The following BBC3 variants were observed in gnomAD, a reference collection of about 807,000 sequenced individuals.
BBC3 encodes the protein BCL2 binding component 3, also known as bcl-2-binding component 3.
In BBC3, 5 loss-of-function variants were observed where a neutral mutation model predicts 18.2. That is an observed-to-expected ratio of 0.27 (90% CI 0.14 to 0.58). The LOEUF is 0.58. Ranked by LOEUF, BBC3 falls within the 20% of genes least tolerant of loss-of-function variation. The pLI, the probability that BBC3 is intolerant of heterozygous loss-of-function variation, is 0.91. For synonymous variants in BBC3, 119 were observed against 128.0 expected (o/e 0.93, Z 0.47); for missense variants, 224 against 268.9 (o/e 0.83, Z 1.17).
chr19:47,221,791 G>C lies in BBC3; in HGVS notation c.*11C>G, dbSNP rs1237610094. 8 of 1,610,580 alleles carry C rather than the reference G, an allele frequency of 5.0e-6. No individual in the cohort carries two copies. In the East Asian group the frequency reaches 1.8e-4, roughly 36 times the overall value. On this transcript the variant is annotated 3_prime_UTR_variant, in exon 4 of 4. Coordinates refer to ENST00000439096, the MANE Select transcript of BBC3 (RefSeq NM_014417.5). ...CCGAGTCCCTGACGTCCACCGGGCG[G>C]GTGCAGGCACCTAATTGGGCTCCAT...
rs1204943029 is a variant in BBC3, at chr19:47,221,663, C to A, written c.*139G>T. 1.3e-6 allele frequency: 2 copies of A among 1,516,960 alleles called. No homozygotes were observed. Among genetic ancestry groups the A allele is most frequent in the African/African-American group, 1.4e-5 (1 of 70,946 alleles). 94.0% of individuals were successfully genotyped at this position (1,516,960 alleles called of 1,614,324 possible). On this transcript the variant is annotated 3_prime_UTR_variant, in exon 4 of 4. Transcript: ENST00000439096. ...GCTGGGGCTGGAGTGGCTGCCCCGG[C>A]CCGCCCCCGGGACAGGCAGGGCTGG...
upstream of BBC3, chr19:47,231,268 C>T (rs1245428404): frequency 1.1e-6 from 1 of 897,628 alleles, no homozygotes; most frequent in Non-Finnish European, 1.3e-6. This position sits in a 1 kb window ranked among gnomAD's most constrained non-coding sequence, Gnocchi z 4.0. Context: ...CCCCGCCCGG[C>T]GGGTCCCACG....
In BBC3 at chr19:47,230,418, A is replaced by C. The variant is rs2058896516; in HGVS notation, c.-16+511T>G. Among the ~76,000 whole-genome samples the C allele has an allele frequency of 7.5e-6, 1 of 133,004 alleles. No individual in the cohort carries two copies. 87.3% of individuals were successfully genotyped at this position (133,004 alleles called of 152,430 possible). A position where few individuals can be genotyped will look rare whatever the true frequency, so the allele number is the denominator to read the frequency against. On this transcript the variant is annotated intron_variant, in intron 1 of 3. Coordinates refer to ENST00000439096, the MANE Select transcript of BBC3 (RefSeq NM_014417.5). This position sits in a 1 kb window ranked among gnomAD's most constrained non-coding sequence, Gnocchi z 6.7. Reference sequence around the variant, plus strand: ...TGTCACAGCCCCCCCCACCGCCGCCACGTGCGCCCGCCCCGCCCGCCAGGC... The same window carrying C: ...TGTCACAGCCCCCCCCACCGCCGCCCCGTGCGCCCGCCCCGCCCGCCAGGC...
At chr19:47,229,158 A>G (rs139620105) in intron 1 of BBC3, among the ~76,000 whole-genome samples, 12 of 152,138 alleles carry the variant, frequency 7.9e-5, no homozygotes, top group African/African-American at 2.4e-4. Context: ...TGCAAACACA[A>G]TGCAGCCTTT....
At chr19:47,229,829 C>T (rs2058887914) in intron 1 of BBC3, among the ~76,000 whole-genome samples, 1 of 152,094 alleles carries the variant, frequency 6.6e-6, no homozygotes, top group African/African-American at 2.4e-5. Flanking sequence ...TACACACACA[C>T]ACTCACACCT....
At chr19:47,222,835 C>CA (rs1380242259) in intron 3 of BBC3, among the ~76,000 whole-genome samples, 1 of 151,712 alleles carries the variant, frequency 6.6e-6, no homozygotes, top group Non-Finnish European at 1.5e-5. Context: ...CTTGGTGGCA[C>CA]ATGTCTGTAA....
At chr19:47,226,022 A>T (rs1341056970) in intron 3 of BBC3, among the ~76,000 whole-genome samples, 1 of 150,492 alleles carries the variant, frequency 6.6e-6, no homozygotes, top group East Asian at 2.0e-4. Context: ...GTGATTTCCC[A>T]TTCTCTGCTG....
chr19:47,222,181 G>A (rs1253697006), intron 3 of BBC3: 8 of 409,970 alleles, frequency 2.0e-5, no homozygotes, highest in South Asian at 1.9e-4. Context: ...TGACTGCCCC[G>A]TCTCTGTTGT....
At chr19:47,225,694 G>C (rs992753663) in intron 3 of BBC3, among the ~76,000 whole-genome samples, 1 of 152,148 alleles carries the variant, frequency 6.6e-6, no homozygotes, top group African/African-American at 2.4e-5. Context: ...CCCATATGGT[G>C]AATCTGAAGC....
chr19:47,222,175 TGCCCC>T (rs2058759935), intron 3 of BBC3: 17 of 422,596 alleles, frequency 4.0e-5, no homozygotes, highest in Middle Eastern at 5.8e-4. Context: ...TAGCTGTGAC[TGCCCC>T]GTCTCTGTTG....
chr19:47,230,875 T>A lies in BBC3; in HGVS notation c.-16+54A>T, dbSNP rs1410398573. The stretch of plus-strand genomic sequence containing the variant: ...CACTCCTGTCACCTCCTCCAGGGAG[T>A]CCACCCGGCCTGGCCGATCGCCGCC... On this transcript the variant is annotated intron_variant, in intron 1 of 3. Coordinates refer to ENST00000439096, the MANE Select transcript of BBC3 (RefSeq NM_014417.5). This position sits in a 1 kb window ranked among gnomAD's most constrained non-coding sequence, Gnocchi z 6.7. The A allele has an allele frequency of 1.0e-6, 1 of 980,296 alleles. No individual in the cohort carries two copies. Among genetic ancestry groups the A allele is most frequent in the Non-Finnish European group, 1.2e-6 (1 of 826,114 alleles). The allele number at this position is 980,296 out of a possible 1,614,324, so 60.7% of individuals were successfully genotyped here.
chr19:47,224,801 T>C (rs2058792454), intron 3 of BBC3, among the ~76,000 whole-genome samples: 1 of 150,534 alleles, frequency 6.6e-6, no homozygotes, highest in South Asian at 2.1e-4. Flanking sequence ...CATGATCTCC[T>C]GATCTCGGCT....
chr19:47,226,693 C>T lies in BBC3; in HGVS notation c.336G>A (p.Pro112=), dbSNP rs1215061428. The T allele has an allele frequency of 6.7e-7, 1 of 1,482,548 alleles. No individual in the cohort carries two copies. The highest frequency in any genetic ancestry group is 1.5e-5 in the African/African-American group (1 of 68,304). The allele number at this position is 1,482,548 out of a possible 1,614,324, so 91.8% of individuals were successfully genotyped here. A position where few individuals can be genotyped will look rare whatever the true frequency, so the allele number is the denominator to read the frequency against. The part of the protein sequence containing the change: ...QHLESPVPSA[P]GALAGGPTQA... ...GGGTGGGACCGCCCGCCAGAGCCCCCGGGGCGCTGGGCACGGGCGACTCCA... is the reference window on the plus strand; with the variant it reads ...GGGTGGGACCGCCCGCCAGAGCCCCTGGGGCGCTGGGCACGGGCGACTCCA... Residue 112 remains proline (P), a synonymous_variant, in exon 3 of 4, where the codon CCG becomes CCA. Coordinates refer to ENST00000439096, the MANE Select transcript of BBC3 (RefSeq NM_014417.5).
Position 47,221,374 on chromosome 19 carries a change from A to C in BBC3, c.*428T>G, listed in dbSNP as rs1001363710. 1.2e-5 allele frequency: 3 copies of C among 247,486 alleles called. No homozygotes were observed. Among genetic ancestry groups the C allele is most frequent in the African/African-American group, 4.8e-5 (2 of 41,816 alleles). The allele number at this position is 247,486 out of a possible 1,614,324, so 15.3% of individuals were successfully genotyped here. A position where few individuals can be genotyped will look rare whatever the true frequency, so the allele number is the denominator to read the frequency against. On this transcript the variant is annotated 3_prime_UTR_variant, in exon 4 of 4. Coordinates refer to ENST00000439096, the MANE Select transcript of BBC3 (RefSeq NM_014417.5). ...GGCCCCCTCCCAGGAGGAGGGGGGG[A>C]AGCACCAGGGGCCTGAGGCCAGGCC...
intron 3 of BBC3, 43 bp downstream of exon 3, chr19:47,226,521 G>A: frequency 6.9e-7 from 1 of 1,452,158 alleles, no homozygotes; most frequent in Non-Finnish European, 9.1e-7. Flanking sequence ...CCCCTCCTCC[G>A]GCGGAAGTCC....
In BBC3 at chr19:47,230,961, G is replaced by T. The variant is rs933138576; in HGVS notation, c.-48C>A. On this transcript the variant is annotated 5_prime_UTR_variant, in exon 1 of 4. Coordinates refer to ENST00000439096, the MANE Select transcript of BBC3 (RefSeq NM_014417.5). This position sits in a 1 kb window ranked among gnomAD's most constrained non-coding sequence, Gnocchi z 6.7. ...GCATGAACACGCCGGAGGGGGCGGC[G>T]GTGGGGGGCGGGCGGCTTCCTTCAG... 112 of 983,678 alleles carry T rather than the reference G, an allele frequency of 1.1e-4. No homozygotes were observed. Among genetic ancestry groups the T allele is most frequent in the Non-Finnish European group, 1.3e-4 (106 of 828,414 alleles). The allele number at this position is 983,678 out of a possible 1,614,324, so 60.9% of individuals were successfully genotyped here. A position where few individuals can be genotyped will look rare whatever the true frequency, so the allele number is the denominator to read the frequency against.
chr19:47,225,761 T>C (rs1212657619), intron 3 of BBC3, among the ~76,000 whole-genome samples: 4 of 152,128 alleles, frequency 2.6e-5, no homozygotes. Flanking sequence ...TCATATACGC[T>C]AAGCTAAGAA....
intron 3 of BBC3, among the ~76,000 whole-genome samples, chr19:47,223,195 C>T (rs959053030): frequency 4.0e-5 from 6 of 150,840 alleles, no homozygotes; most frequent in South Asian, 2.1e-4. Flanking sequence ...GGCGTGAACC[C>T]GGTAGGTGGA....
At chr19:47,223,389 A>G (rs2058774564) in intron 3 of BBC3, among the ~76,000 whole-genome samples, 1 of 152,104 alleles carries the variant, frequency 6.6e-6, no homozygotes, top group South Asian at 2.1e-4. Context: ...CACCATGGGG[A>G]AACCCCGTCT....
Sources: allele counts gnomAD v4.1 joint callset (sites outside exome capture counted in the v4.1 genomes callset), GRCh38; gene constraint gnomAD v4.1.1; non-coding constraint Gnocchi (gnomAD v3.1); transcripts MANE v1.5; gene names NCBI Gene and HGNC (gene_info 2026-07-23, HGNC 2026-07-21).